Variants in VAV3 observed in about 807,000 individuals in gnomAD.
VAV3 encodes vav guanine nucleotide exchange factor 3, also known as guanine nucleotide exchange factor VAV3.
A neutral mutation model predicts 131.2 loss-of-function variants in VAV3; 94 were observed. The observed-to-expected ratio is 0.72, with a 90% CI of 0.61 to 0.85. The LOEUF is 0.85. Among genes scored for constraint, VAV3 ranks in the 40% least tolerant of loss-of-function variants. The pLI is 0.00. For missense variants in VAV3, 939 were observed against 1,002.7 expected (o/e 0.94, Z 0.86); for synonymous variants, 349 against 342.0 (o/e 1.02, Z -0.22).
At chr1:107,824,900 TTAAGAG>T (rs1204080145) in intron 2 of VAV3, among the ~76,000 whole-genome samples, 2 of 151,624 alleles carry the variant, frequency 1.3e-5, no homozygotes, top group African/African-American at 2.4e-5. Context: ...GAACACTATT[TTAAGAG>T]TAAAAGAACC....
intron 2 of VAV3, among the ~76,000 whole-genome samples, chr1:107,821,189 C>T (rs1667777453): frequency 6.6e-6 from 1 of 152,178 alleles, no homozygotes; most frequent in Admixed American, 6.5e-5. Context: ...TGAAGACAAA[C>T]TATTTTCAGA....
At chr1:107,645,942 T>C (rs1324146938) in intron 19 of VAV3, among the ~76,000 whole-genome samples, 1 of 152,058 alleles carries the variant, frequency 6.6e-6, no homozygotes, top group African/African-American at 2.4e-5. Flanking sequence ...CAGAGTTTAT[T>C]AATAAGGTCT....
chr1:107,747,030 C>G (rs1358164297), intron 15 of VAV3, among the ~76,000 whole-genome samples: 2 of 152,084 alleles, frequency 1.3e-5, no homozygotes, highest in Non-Finnish European at 2.9e-5. Context: ...CAGGCATGTG[C>G]CACCACACCC....
intron 15 of VAV3, 79 bp from the exon 16 acceptor site, chr1:107,705,140 A>T: frequency 1.8e-6 from 2 of 1,113,680 alleles, no homozygotes; most frequent in South Asian, 1.4e-5. Flanking sequence ...CCCTAAATTC[A>T]TCAAAATGAC....
intron 19 of VAV3, among the ~76,000 whole-genome samples, chr1:107,644,923 T>C (rs898517010): frequency 2.6e-5 from 4 of 151,182 alleles, no homozygotes; most frequent in African/African-American, 9.7e-5. Context: ...TATACACTAG[T>C]ATGTATACAC....
chr1:107,688,288 C>A, intron 18 of VAV3, 93 bp downstream of exon 18: 4 of 1,372,796 alleles, frequency 2.9e-6, no homozygotes, highest in Non-Finnish European at 3.9e-6. Flanking sequence ...TTTTAAAAGG[C>A]ACATTTAACA....
intron 15 of VAV3, among the ~76,000 whole-genome samples, chr1:107,712,788 A>G (rs2101884659): frequency 6.6e-6 from 1 of 152,356 alleles, no homozygotes; most frequent in South Asian, 2.1e-4. Flanking sequence ...CGGGGAGAAG[A>G]ACATTTAAAT....
chr1:107,711,452 G>A (rs537647781), intron 15 of VAV3, among the ~76,000 whole-genome samples: 9 of 152,240 alleles, frequency 5.9e-5, no homozygotes, highest in African/African-American at 2.2e-4. Context: ...ATGAAATTCA[G>A]TACCCCTGGT....
chr1:107,964,478 T>C, intron 1 of VAV3, 188 bp downstream of exon 1: 1 of 574,768 alleles, frequency 1.7e-6, no homozygotes, highest in Non-Finnish European at 3.0e-6. Flanking sequence ...GCATTCAGCT[T>C]GAGGAGCTAA....
intron 9 of VAV3, among the ~76,000 whole-genome samples, chr1:107,764,052 G>A (rs1664590018): frequency 6.9e-6 from 1 of 144,228 alleles, no homozygotes. Context: ...TTGAAAGCAT[G>A]AAGTCCTCGA....
intron 20 of VAV3, among the ~76,000 whole-genome samples, chr1:107,627,225 C>T (rs1240806898): frequency 1.3e-5 from 2 of 152,156 alleles, no homozygotes; most frequent in Non-Finnish European, 2.9e-5. Flanking sequence ...TCTCTTTTTC[C>T]TTCCCCATCT....
At chr1:107,897,085 T>C (rs992558293) in intron 1 of VAV3, 9 of 152,090 alleles carry the variant, frequency 5.9e-5, no homozygotes, top group Admixed American at 2.6e-4. Context: ...GGAGCAGCAC[T>C]GACACCTGCC....
chr1:107,867,043 A>G (rs12068854), intron 2 of VAV3, among the ~76,000 whole-genome samples: 1 of 152,078 alleles, frequency 6.6e-6, no homozygotes, highest in Non-Finnish European at 1.5e-5. Context: ...ATTCTGGAGT[A>G]AACAAAAGTT....
chr1:107,802,762 G>A (rs1259121054), intron 2 of VAV3, among the ~76,000 whole-genome samples: 1 of 151,920 alleles, frequency 6.6e-6, no homozygotes, highest in East Asian at 1.9e-4. Context: ...GAGGACTTTT[G>A]TATCTGTGTT....
At position 107,641,187 on chromosome 1, in the gene VAV3, G is replaced by T. The variant is rs1655311150; in HGVS notation, c.1914+1432C>A. ...GGAAAAATCACTGGCTACCACAATT[G>T]AAATGGTGGTTAGAGACAAACGTTC... On this transcript the variant is annotated intron_variant, in intron 20 of 26. Transcript: ENST00000370056. 2.6e-5 allele frequency among the ~76,000 whole-genome samples: 4 copies of T among 152,100 alleles called. No individual in the cohort carries two copies. The South Asian group carries it at 6.2e-4, about 24-fold the overall frequency.
chr1:107,636,326 C>G (rs778864351), intron 20 of VAV3, among the ~76,000 whole-genome samples: 3 of 152,160 alleles, frequency 2.0e-5, no homozygotes, highest in Non-Finnish European at 4.4e-5. Context: ...CTAAATATGT[C>G]TGGGCAATCC....
chr1:107,903,346 A>T (rs115883592), intron 1 of VAV3, among the ~76,000 whole-genome samples: 1 of 152,166 alleles, frequency 6.6e-6, no homozygotes, highest in African/African-American at 2.4e-5. Flanking sequence ...AGCTATAAAA[A>T]ATATCATATT....
intron 2 of VAV3, among the ~76,000 whole-genome samples, chr1:107,783,929 G>A (rs1003844539): frequency 2.6e-5 from 4 of 151,654 alleles, no homozygotes; most frequent in South Asian, 2.1e-4. Context: ...GCATGGTGGC[G>A]GGCACCTGTA....
intron 22 of VAV3, among the ~76,000 whole-genome samples, chr1:107,605,193 C>T (rs1391011260): frequency 1.3e-5 from 2 of 152,184 alleles, no homozygotes; most frequent in Non-Finnish European, 2.9e-5. Flanking sequence ...AACAACATTG[C>T]TATGGTTTGA....
Sources: allele counts gnomAD v4.1 joint callset (sites outside exome capture counted in the v4.1 genomes callset), GRCh38; gene constraint gnomAD v4.1.1; transcripts MANE v1.5; gene names NCBI Gene and HGNC (gene_info 2026-07-23, HGNC 2026-07-21).